Variants in SAXO1 observed in about 807,000 individuals in gnomAD.
SAXO1 encodes 4930500O09Rik.
In SAXO1, 21 loss-of-function variants were observed where a neutral mutation model predicts 17.5. The observed-to-expected ratio is 1.20, with a 90% CI of 0.85 to 1.72. SAXO1 has a LOEUF of 1.72. Among genes scored for constraint, SAXO1 ranks in the 40% most tolerant of loss-of-function variants. The probability of loss-of-function intolerance (pLI) is 0.00; values close to 1 mark genes in which losing one functional copy is unlikely to be tolerated. For missense variants in SAXO1, 843 were observed against 596.0 expected, an observed-to-expected ratio of 1.41 and a Z score of -4.32; for synonymous variants, 274 against 216.5, an observed-to-expected ratio of 1.27 and a Z score of -2.33.
At chr9:19,010,906 T>C (rs1251859678) in intron 1 of SAXO1, among the ~76,000 whole-genome samples, 1 of 152,220 alleles carries the variant, frequency 6.6e-6, no homozygotes, top group Non-Finnish European at 1.5e-5. Context: ...TGCCAGGCTG[T>C]ACATTAAGTG....
At chr9:19,004,502 G>A (rs1440389828) in intron 1 of SAXO1, among the ~76,000 whole-genome samples, 1 of 152,212 alleles carries the variant, frequency 6.6e-6, no homozygotes, top group Non-Finnish European at 1.5e-5. Flanking sequence ...TAAAGAAAAT[G>A]TGACACATAT....
intron 1 of SAXO1, among the ~76,000 whole-genome samples, chr9:19,016,295 G>A (rs1447920216): frequency 2.0e-5 from 3 of 152,142 alleles, no homozygotes; most frequent in Admixed American, 6.5e-5. Flanking sequence ...AATTAGCTGG[G>A]CATGGTGGTG....
chr9:19,001,745 A>T (rs1006628271), intron 1 of SAXO1, among the ~76,000 whole-genome samples: 10 of 152,164 alleles, frequency 6.6e-5, no homozygotes, highest in African/African-American at 9.7e-5. Context: ...CATTTAAAGC[A>T]GTGTGTAGAA....
chr9:19,024,011 GCTTT>G (rs1227874154), intron 1 of SAXO1, among the ~76,000 whole-genome samples: 6 of 72,426 alleles, frequency 8.3e-5, no homozygotes, highest in Admixed American at 1.5e-4. Context: ...ACTCTTTAAG[GCTTT>G]TTTTTTTTTT....
chr9:19,042,109 A>C (rs1006185027), intron 1 of SAXO1, among the ~76,000 whole-genome samples: 1 of 42,678 alleles, frequency 2.3e-5, no homozygotes, highest in African/African-American at 1.7e-4. Flanking sequence ...AAATCTAATA[A>C]TCTAATTTTT....
chr9:18,941,199 C>T lies in SAXO1; in HGVS notation c.421+438G>A, dbSNP rs367569315. Among the ~76,000 whole-genome samples the T allele has an allele frequency of 3.9e-5, 6 of 152,206 alleles. No individual in the cohort carries two copies. In the East Asian group the frequency reaches 1.2e-3, roughly 29 times the overall value. The stretch of plus-strand genomic sequence containing the variant: ...TTCCCCCAATATAGGATTCAAACTG[C>T]AAGCTAAGGCAGGGGTTGGCAGATA... On this transcript the variant is annotated intron_variant, in intron 3 of 3. Coordinates refer to ENST00000380534, the MANE Select transcript of SAXO1 (RefSeq NM_153707.4).
intron 3 of SAXO1, among the ~76,000 whole-genome samples, chr9:18,938,821 CGTGTGTGTGT>C (rs67090530): frequency 2.5e-5 from 2 of 78,510 alleles, no homozygotes; most frequent in Non-Finnish European, 5.5e-5. Flanking sequence ...TGCGTGCGTG[CGTGTGTGTGT>C]GTGTGTGTGT....
At chr9:18,965,871 G>A (rs773119915) in intron 1 of SAXO1, among the ~76,000 whole-genome samples, 27 of 152,066 alleles carry the variant, frequency 1.8e-4, no homozygotes, top group African/African-American at 4.3e-4. Context: ...ATGTTTTTGC[G>A]TGGCTGGTAC....
intron 1 of SAXO1, among the ~76,000 whole-genome samples, chr9:19,009,695 G>C (rs1241503961): frequency 6.6e-6 from 1 of 152,022 alleles, no homozygotes; most frequent in Non-Finnish European, 1.5e-5. Context: ...TAAAACAGCT[G>C]TGAGAAATCC....
chr9:18,957,271 T>G (rs957695686), intron 1 of SAXO1, among the ~76,000 whole-genome samples: 1 of 152,188 alleles, frequency 6.6e-6, no homozygotes, highest in East Asian at 1.9e-4. Flanking sequence ...TAAACGAGAG[T>G]GTCATTAGAT....
intron 1 of SAXO1, among the ~76,000 whole-genome samples, chr9:19,010,896 T>C (rs951459017): frequency 6.6e-6 from 1 of 152,212 alleles, no homozygotes; most frequent in African/African-American, 2.4e-5. Flanking sequence ...TTTAGCTATA[T>C]GCCAGGCTGT....
intron 1 of SAXO1, among the ~76,000 whole-genome samples, chr9:18,968,435 G>A (rs1366234623): frequency 1.3e-5 from 2 of 152,172 alleles, no homozygotes; most frequent in African/African-American, 2.4e-5. Flanking sequence ...TGACAGATAC[G>A]TAGCCATTCA....
chr9:19,009,255 A>C (rs1834620660), intron 1 of SAXO1, among the ~76,000 whole-genome samples: 1 of 141,912 alleles, frequency 7.0e-6, no homozygotes, highest in South Asian at 2.3e-4. Context: ...TTAAAAAAAA[A>C]ATTTAATCCC....
chr9:18,975,207 AGGCTGGGGAAGCAGGGAGAG>A, intron 1 of SAXO1, among the ~76,000 whole-genome samples: 1 of 6,862 alleles, frequency 1.5e-4, no homozygotes, highest in Non-Finnish European at 5.4e-4. Flanking sequence ...AGGAGGCTGC[AGGCTGGGGAAGCAGGGAGAG>A]TGCAGGCTGG....
chr9:19,001,035 C>G (rs943360272), intron 1 of SAXO1, among the ~76,000 whole-genome samples: 4 of 151,958 alleles, frequency 2.6e-5, no homozygotes, highest in African/African-American at 9.7e-5. Context: ...TCAACGAGAT[C>G]TGTCTAATTA....
intron 1 of SAXO1, among the ~76,000 whole-genome samples, chr9:18,976,119 T>C (rs1833140609): frequency 6.6e-6 from 1 of 152,216 alleles, no homozygotes; most frequent in South Asian, 2.1e-4. Context: ...GATGCACCCA[T>C]GTGTGCACAC....
At chr9:19,027,290 C>T in intron 1 of SAXO1, 2 of 886,796 alleles carry the variant, frequency 2.3e-6, no homozygotes, top group Non-Finnish European at 1.9e-6. Context: ...AGCCAGGAGA[C>T]CTGGTGGGTG....
At chr9:18,971,379 G>A (rs1027652523) in intron 1 of SAXO1, among the ~76,000 whole-genome samples, 24 of 152,156 alleles carry the variant, frequency 1.6e-4, no homozygotes, top group African/African-American at 5.3e-4. Flanking sequence ...AAATGTATCA[G>A]GGCTAATCTA....
At chr9:19,019,723 G>C (rs879850047) in intron 1 of SAXO1, among the ~76,000 whole-genome samples, 1 of 151,992 alleles carries the variant, frequency 6.6e-6, no homozygotes, top group Non-Finnish European at 1.5e-5. Flanking sequence ...GTGAGACACT[G>C]TCTCAAAAGA....
Sources: gnomAD v4.1 joint callset for allele counts (sites outside exome capture counted in the v4.1 genomes callset) on GRCh38, gnomAD v4.1.1 for gene constraint, MANE v1.5 for transcripts, NCBI Gene and HGNC (gene_info 2026-07-23, HGNC 2026-07-21) for gene names.